The following ZC3H12B variants were observed in gnomAD, a reference collection of about 807,000 sequenced individuals.
ZC3H12B encodes the protein probable ribonuclease ZC3H12B.
ZC3H12B carries 7 observed loss-of-function variants against 43.9 expected under a neutral mutation model. The ratio of observed to expected loss-of-function variants is 0.16; its 90% confidence interval spans 0.09 to 0.30. The LOEUF is 0.30. ZC3H12B is among the 10% of genes least tolerant of loss of function. The pLI is 1.00. For missense variants in ZC3H12B, 475 were observed against 670.2 expected (o/e 0.71, Z 3.22); for synonymous variants, 222 against 241.7 (o/e 0.92, Z 0.76).
the ZC3H12B span, among the ~76,000 whole-genome samples, chrX:65,341,635 A>C: frequency 9.0e-6 from 1 of 111,264 alleles, no homozygotes; most frequent in Non-Finnish European, 1.9e-5. Context: ...AGGTAGAATA[A>C]GAGCGTTTTC....
chrX:65,126,068 A>T, the ZC3H12B span, among the ~76,000 whole-genome samples: 2 of 104,328 alleles, frequency 1.9e-5, no homozygotes. Flanking sequence ...TTTTTCATTC[A>T]GAACCTTTAA....
the ZC3H12B span, among the ~76,000 whole-genome samples, chrX:65,081,920 ATCT>A: frequency 8.0e-5 from 9 of 112,064 alleles, no homozygotes; most frequent in Non-Finnish European, 3.8e-5. Context: ...AATATCAAAC[ATCT>A]TCTGTGACCA....
chrX:65,190,051 G>A, the ZC3H12B span, among the ~76,000 whole-genome samples: 1 of 111,724 alleles, frequency 9.0e-6, no homozygotes, highest in African/African-American at 3.3e-5. Context: ...TTATTAAATA[G>A]GGAATCCTTT....
chrX:65,264,472 T>C, the ZC3H12B span, among the ~76,000 whole-genome samples: 3 of 112,015 alleles, frequency 2.7e-5, no homozygotes, highest in African/African-American at 9.7e-5. Flanking sequence ...TTACCTAATT[T>C]TTATCTATAC....
the ZC3H12B span, among the ~76,000 whole-genome samples, chrX:65,277,763 G>A: frequency 1.8e-5 from 2 of 110,995 alleles, no homozygotes; most frequent in Non-Finnish European, 3.8e-5. Context: ...CAAAAAACTG[G>A]AAAGATTACA....
chrX:65,121,097 T>C, the ZC3H12B span, among the ~76,000 whole-genome samples: 1 of 111,356 alleles, frequency 9.0e-6, no homozygotes, highest in Admixed American at 9.6e-5. Context: ...TCAGGGATAT[T>C]GGTCTAAAAT....
the ZC3H12B span, among the ~76,000 whole-genome samples, chrX:65,209,477 A>G: frequency 1.1e-5 from 1 of 92,717 alleles, no homozygotes; most frequent in Non-Finnish European, 2.1e-5. Context: ...GTTTCCATGT[A>G]GTTGAGCGGC....
intron 2 of ZC3H12B, among the ~76,000 whole-genome samples, chrX:65,375,099 A>T (rs1386017671): frequency 2.7e-5 from 3 of 111,743 alleles, no homozygotes; most frequent in Non-Finnish European, 5.6e-5. Flanking sequence ...GTGGTGTGAG[A>T]AAATAATCTG....
chrX:65,058,016 C>T, the ZC3H12B span, among the ~76,000 whole-genome samples: 7 of 111,791 alleles, frequency 6.3e-5, no homozygotes, highest in East Asian at 5.7e-4. Context: ...AGCTTCTTTG[C>T]GATGTGTTCG....
the ZC3H12B span, among the ~76,000 whole-genome samples, chrX:65,245,158 T>A: frequency 3.6e-5 from 4 of 111,746 alleles, no homozygotes; most frequent in Non-Finnish European, 7.5e-5. Flanking sequence ...ATGGATAAAT[T>A]CCTGAATACA....
At chrX:65,342,449 TAAC>T in the ZC3H12B span, among the ~76,000 whole-genome samples, 1 of 112,075 alleles carries the variant, frequency 8.9e-6, no homozygotes, top group Non-Finnish European at 1.9e-5. Context: ...ACTGAAATCA[TAAC>T]AACCACTCTC....
At chrX:65,081,254 T>C in the ZC3H12B span, among the ~76,000 whole-genome samples, 1 of 110,683 alleles carries the variant, frequency 9.0e-6, no homozygotes, top group Admixed American at 9.6e-5. Flanking sequence ...AACGCAAATA[T>C]CAAACTGACA....
the ZC3H12B span, among the ~76,000 whole-genome samples, chrX:65,340,771 G>A: frequency 8.9e-6 from 1 of 112,399 alleles, no homozygotes; most frequent in Non-Finnish European, 1.9e-5. Flanking sequence ...ACCAGTGCAA[G>A]GACTGTGACA....
the ZC3H12B span, among the ~76,000 whole-genome samples, chrX:65,139,297 T>A: frequency 5.3e-5 from 6 of 112,482 alleles, no homozygotes; most frequent in Non-Finnish European, 1.1e-4. Context: ...AGTTTTATCC[T>A]TCTGTGTATG....
At chrX:65,065,764 A>G in the ZC3H12B span, among the ~76,000 whole-genome samples, 1 of 110,185 alleles carries the variant, frequency 9.1e-6, no homozygotes, top group Non-Finnish European at 1.9e-5. Context: ...TCTCTTTGTC[A>G]GTTTTAGGTA....
the ZC3H12B span, among the ~76,000 whole-genome samples, chrX:65,103,938 C>T: frequency 9.0e-6 from 1 of 111,106 alleles, no homozygotes; most frequent in South Asian, 3.8e-4. Context: ...CATATGGAAC[C>T]ATAAAAGAGC....
At chrX:65,273,355 C>A in the ZC3H12B span, among the ~76,000 whole-genome samples, 1 of 109,873 alleles carries the variant, frequency 9.1e-6, no homozygotes, top group East Asian at 2.8e-4. Flanking sequence ...CTAGATCAAA[C>A]AGAAGAAATG....
At chrX:65,357,094 A>G in the ZC3H12B span, 3 of 528,744 alleles carry the variant, frequency 5.7e-6, no homozygotes, top group Non-Finnish European at 1.0e-5. Flanking sequence ...TGCCCACCAC[A>G]AGCTCCAAAG....
the ZC3H12B span, among the ~76,000 whole-genome samples, chrX:65,352,356 A>C: frequency 9.0e-6 from 1 of 111,042 alleles, no homozygotes; most frequent in African/African-American, 3.3e-5. Flanking sequence ...TTGGAGAAAT[A>C]CCTAATGTAG....
Sources: gnomAD v4.1 joint callset for allele counts (sites outside exome capture counted in the v4.1 genomes callset) on GRCh38, gnomAD v4.1.1 for gene constraint, MANE v1.5 for transcripts, NCBI Gene and HGNC (gene_info 2026-07-23, HGNC 2026-07-21) for gene names.